LDB2: variants seen among roughly 807,000 people sequenced by gnomAD.
LDB2 encodes the protein LIM domain-binding protein 2.
A neutral mutation model predicts 44.3 loss-of-function variants in LDB2; 12 were observed. That is an observed-to-expected ratio of 0.27 (90% CI 0.17 to 0.44). LDB2 has a LOEUF of 0.44. Ranked by LOEUF, LDB2 falls within the 20% of genes least tolerant of loss-of-function variation. LDB2 has a pLI of 1.00. For missense variants in LDB2, 344 were observed against 473.5 expected (o/e 0.73, Z 2.54); for synonymous variants, 164 against 174.8 (o/e 0.94, Z 0.49).
chr4:16,712,293 C>G (rs1380579912), intron 2 of LDB2, among the ~76,000 whole-genome samples: 2 of 152,180 alleles, frequency 1.3e-5, no homozygotes, highest in Non-Finnish European at 2.9e-5. Context: ...AAGGCTCAAG[C>G]CTGTAATCCC....
At chr4:16,833,327 T>C (rs569303644) in intron 1 of LDB2, among the ~76,000 whole-genome samples, 1 of 152,312 alleles carries the variant, frequency 6.6e-6, no homozygotes, top group Non-Finnish European at 1.5e-5. Flanking sequence ...TATAACTTAT[T>C]TTCAATAGAC....
intron 2 of LDB2, among the ~76,000 whole-genome samples, chr4:16,663,996 G>A (rs1467937617): frequency 6.6e-6 from 1 of 151,908 alleles, no homozygotes; most frequent in Non-Finnish European, 1.5e-5. Flanking sequence ...CAGCTAGAGG[G>A]TGGAGGGGCA....
At chr4:16,855,000 A>G (rs1789062809) in intron 1 of LDB2, among the ~76,000 whole-genome samples, 1 of 145,226 alleles carries the variant, frequency 6.9e-6, no homozygotes, top group Admixed American at 6.9e-5. Context: ...AGAAAAAGAC[A>G]AACAACCCAA....
intron 5 of LDB2, among the ~76,000 whole-genome samples, chr4:16,579,704 T>G (rs1230247220): frequency 6.6e-6 from 1 of 152,190 alleles, no homozygotes; most frequent in South Asian, 2.1e-4. Flanking sequence ...AATCACATGT[T>G]TTTTTCTAGA....
Position 16,502,445 on chromosome 4 carries a change from G to T in LDB2, c.*198C>A. On this transcript the variant is annotated 3_prime_UTR_variant, in exon 8 of 8. Coordinates refer to ENST00000304523, the MANE Select transcript of LDB2 (RefSeq NM_001290.5). ...TACCTGTGAAGGCCTCCAAGAAAGG[G>T]TCATGGAAGCTTACTGGGAATAATC... The T allele has an allele frequency of 2.8e-6, 2 of 717,846 alleles. No homozygotes were observed. Among genetic ancestry groups the T allele is most frequent in the Non-Finnish European group, 2.2e-6 (1 of 444,728 alleles). 44.5% of individuals were successfully genotyped at this position (717,846 alleles called of 1,614,324 possible). A position where few individuals can be genotyped will look rare whatever the true frequency, so the allele number is the denominator to read the frequency against.
intron 1 of LDB2, among the ~76,000 whole-genome samples, chr4:16,823,902 T>C (rs1404877850): frequency 6.6e-6 from 1 of 152,212 alleles, no homozygotes; most frequent in African/African-American, 2.4e-5. Context: ...GGAAGATGCT[T>C]ACAAGAACCA....
intron 3 of LDB2, among the ~76,000 whole-genome samples, chr4:16,591,782 A>G (rs936577078): frequency 6.6e-6 from 1 of 152,242 alleles, no homozygotes; most frequent in Non-Finnish European, 1.5e-5. Flanking sequence ...GGCATAGCCT[A>G]TAAAAGGGAA....
intron 1 of LDB2, among the ~76,000 whole-genome samples, chr4:16,823,626 A>G (rs1445523729): frequency 6.6e-6 from 1 of 152,224 alleles, no homozygotes; most frequent in African/African-American, 2.4e-5. Flanking sequence ...AGGCTTCGTA[A>G]TTACCTCTCT....
chr4:16,650,948 A>G (rs1387398094), intron 2 of LDB2, among the ~76,000 whole-genome samples: 1 of 152,158 alleles, frequency 6.6e-6, no homozygotes, highest in African/African-American at 2.4e-5. Flanking sequence ...TCTATCCCTA[A>G]TATCTATGGG....
intron 1 of LDB2, among the ~76,000 whole-genome samples, chr4:16,769,935 G>A (rs948235867): frequency 6.6e-6 from 1 of 152,160 alleles, no homozygotes; most frequent in Admixed American, 6.5e-5. Context: ...AGTAGACACA[G>A]CTCTTCAGTA....
intron 1 of LDB2, among the ~76,000 whole-genome samples, chr4:16,892,168 G>A (rs1723603483): frequency 6.6e-6 from 1 of 152,114 alleles, no homozygotes; most frequent in Non-Finnish European, 1.5e-5. Context: ...ACAGGAATAT[G>A]CCCACGATAC....
intron 2 of LDB2, among the ~76,000 whole-genome samples, chr4:16,725,379 A>C (rs1243972740): frequency 6.6e-6 from 1 of 152,032 alleles, no homozygotes; most frequent in African/African-American, 2.4e-5. Flanking sequence ...GACCTACAGC[A>C]TGCAGCCACC....
intron 2 of LDB2, among the ~76,000 whole-genome samples, chr4:16,668,192 AAT>A (rs1449507131): frequency 6.6e-6 from 1 of 152,102 alleles, no homozygotes; most frequent in Non-Finnish European, 1.5e-5. Context: ...TCACTTGTAA[AAT>A]ATGTTTATTA....
chr4:16,885,200 G>A (rs1263488333), intron 1 of LDB2, among the ~76,000 whole-genome samples: 9 of 148,962 alleles, frequency 6.0e-5, no homozygotes, highest in African/African-American at 1.2e-4. Context: ...GTCAAATGTC[G>A]TGGTGCATGC....
chr4:16,806,085 T>A (rs1778735475), intron 1 of LDB2, among the ~76,000 whole-genome samples: 1 of 152,218 alleles, frequency 6.6e-6, no homozygotes, highest in Non-Finnish European at 1.5e-5. Context: ...AGAATTAGCA[T>A]CTTCATGTGC....
intron 5 of LDB2, among the ~76,000 whole-genome samples, chr4:16,515,120 A>G (rs1723148583): frequency 6.6e-6 from 1 of 152,196 alleles, no homozygotes; most frequent in Admixed American, 6.5e-5. Context: ...AAAGTACAAA[A>G]TCATGTTCTT....
rs552225282 is a variant in LDB2, at chr4:16,700,979, T to C, written c.235+58179A>G. ...GTGTGTTTTACATATATGAACTCAT[T>C]TGTTACTCAAAGCAGTCCTGTGAGA... On this transcript the variant is annotated intron_variant, in intron 2 of 7. Transcript: ENST00000304523. Among the ~76,000 whole-genome samples the C allele has an allele frequency of 8.5e-5, 13 of 152,310 alleles. No homozygotes were observed. The South Asian group carries it at 2.1e-3, about 24-fold the overall frequency.
intron 1 of LDB2, among the ~76,000 whole-genome samples, chr4:16,771,284 A>G (rs61148273): frequency 0.017 from 2,541 of 152,298 alleles, 42 homozygotes; most frequent in East Asian, 0.079. Flanking sequence ...AAATATAAGA[A>G]ACCCAGAATA....
At chr4:16,782,445 G>A (rs1514646) in intron 1 of LDB2, among the ~76,000 whole-genome samples, 1 of 151,670 alleles carries the variant, frequency 6.6e-6, no homozygotes, top group Admixed American at 6.6e-5. Context: ...CCACCTCCCA[G>A]GTTCAGGTGA....
Sources: gnomAD v4.1 joint callset for allele counts (sites outside exome capture counted in the v4.1 genomes callset) on GRCh38, gnomAD v4.1.1 for gene constraint, MANE v1.5 for transcripts, NCBI Gene and HGNC (gene_info 2026-07-23, HGNC 2026-07-21) for gene names.